The following FAH variants were observed in gnomAD, a reference collection of about 807,000 sequenced individuals.
FAH encodes the protein fumarylacetoacetase.
A neutral mutation model predicts 55.8 loss-of-function variants in FAH; 47 were observed. The observed-to-expected ratio is 0.84, with a 90% CI of 0.67 to 1.07. The LOEUF (loss-of-function observed/expected upper bound fraction) is 1.07, where lower values mean the gene tolerates loss of function less well. Ranked by LOEUF, FAH falls within the 50% of genes least tolerant of loss-of-function variation. The pLI is 0.00. For synonymous variants in FAH, 199 were observed against 207.7 expected (o/e 0.96, Z 0.36); for missense variants, 495 against 545.9 (o/e 0.91, Z 0.93).
At chr15:80,153,790 G>A (rs2041075671) in intron 1 of FAH, among the ~76,000 whole-genome samples, 1 of 152,090 alleles carries the variant, frequency 6.6e-6, no homozygotes, top group Non-Finnish European at 1.5e-5. Flanking sequence ...GAAAACTGGG[G>A]GTTTATCAGC....
At position 80,186,208 on chromosome 15, in the gene FAH, G is replaced by A. The variant is rs61747586; in HGVS notation, c.1259G>A (p.Ter420=). The A allele has an allele frequency of 2.7e-3, 4,281 of 1,613,538 alleles. 9 individuals are homozygous for A. The highest frequency in any genetic ancestry group is 2.9e-3 in the Non-Finnish European group (3,473 of 1,179,442). The change falls in exon 14 of 14, where the codon TGA becomes TAA. Residue 420 remains the stop codon, a stop_retained_variant. Transcript: ENST00000561421. ...GKVLPALLPS[*] ...GTGCTGCCTGCTCTCCTGCCATCAT[G>A]AGATTTTCTCTGCTCTTCTGGAAAC... is the stretch of plus-strand genomic sequence containing the variant.
chr15:80,186,367 T>C (rs58315965), downstream of FAH: 73 of 704,436 alleles, frequency 1.0e-4, no homozygotes, highest in African/African-American at 1.1e-3. Context: ...CTGTGTCCAC[T>C]TATGATCGTG....
chr15:80,160,607 C>T lies in FAH; in HGVS notation c.364+148C>T, dbSNP rs552294612. On this transcript the variant is annotated intron_variant, in intron 4 of 13. Coordinates refer to ENST00000561421, the MANE Select transcript of FAH (RefSeq NM_000137.4). ...GGCTCTGGGGCTGTTACCCGCTCCT[C>T]ATCACTGACCTTTCCCAGCATCCAG... The T allele has an allele frequency of 4.8e-3, 3,563 of 750,058 alleles. 15 individuals carry two copies. Among genetic ancestry groups the T allele is most frequent in the Non-Finnish European group, 6.6e-3 (2,778 of 423,052 alleles). The allele number at this position is 750,058 out of a possible 1,614,324, so 46.5% of individuals were successfully genotyped here.
At chr15:80,167,799 T>C (rs2041205071) in intron 5 of FAH, among the ~76,000 whole-genome samples, 1 of 152,192 alleles carries the variant, frequency 6.6e-6, no homozygotes, top group Non-Finnish European at 1.5e-5. Flanking sequence ...CCCAAAGTGC[T>C]GGGATTACAG....
chr15:80,160,556 C>T (rs771055928), intron 4 of FAH, 97 bp downstream of exon 4: 1 of 1,185,560 alleles, frequency 8.4e-7, no homozygotes, highest in Non-Finnish European at 1.3e-6. Context: ...TGGAGGGTCC[C>T]TGCTGGTGGG....
rs1191357911 is a variant in FAH, at chr15:80,173,157, T to A, written c.837+13T>A. 1 of 1,614,184 alleles carries A rather than the reference T, an allele frequency of 6.2e-7. No homozygotes were observed. The highest frequency in any genetic ancestry group is 1.1e-5 in the South Asian group (1 of 91,084). On this transcript the variant is annotated intron_variant, in intron 9 of 13. Coordinates refer to ENST00000561421, the MANE Select transcript of FAH (RefSeq NM_000137.4). Reference sequence around the variant, plus strand: ...CAACCCGAAGCAGGTAAGCACATTCTCTGCAGGAAGCTCCCAAACCCAGCC... The same window carrying A: ...CAACCCGAAGCAGGTAAGCACATTCACTGCAGGAAGCTCCCAAACCCAGCC...
intron 2 of FAH, 88 bp downstream of exon 2, chr15:80,158,258 G>C (rs562133543): frequency 4.2e-6 from 4 of 962,094 alleles, no homozygotes; most frequent in Non-Finnish European, 5.1e-6. Flanking sequence ...TTCCATTTCC[G>C]ATAGAGGTAA....
intron 9 of FAH, 41 bp from the exon 10 acceptor site, chr15:80,174,975 C>T (rs748585029): frequency 6.3e-7 from 1 of 1,587,454 alleles, no homozygotes; most frequent in African/African-American, 1.3e-5. Context: ...TGAGCTCAGC[C>T]CACCTGCCAG....
chr15:80,178,671 C>T (rs1250360031), intron 11 of FAH, among the ~76,000 whole-genome samples: 1 of 151,806 alleles, frequency 6.6e-6, no homozygotes, highest in Admixed American at 6.6e-5. Flanking sequence ...GCAAACTCCG[C>T]CTCCTGGGTT....
intron 7 of FAH, among the ~76,000 whole-genome samples, chr15:80,170,548 T>C (rs1889771233): frequency 6.6e-6 from 1 of 152,218 alleles, no homozygotes; most frequent in Non-Finnish European, 1.5e-5. Context: ...AAGGGTACTA[T>C]GTGAGACTGC....
In FAH at chr15:80,166,588, T is replaced by C. The variant is rs1235972568; in HGVS notation, c.456-1464T>C. Among the ~76,000 whole-genome samples the C allele has an allele frequency of 5.3e-5, 8 of 152,220 alleles. No individual in the cohort carries two copies. In the East Asian group the frequency reaches 1.5e-3, roughly 29 times the overall value. On this transcript the variant is annotated intron_variant, in intron 5 of 13. Transcript: ENST00000561421. ...AAATATTTTCTCCCAGTATGTTATC[T>C]TTTTTCTTTGTTTGCCAGTCTTTCT...
At chr15:80,159,364 C>T (rs1464177152) in intron 2 of FAH, among the ~76,000 whole-genome samples, 1 of 152,022 alleles carries the variant, frequency 6.6e-6, no homozygotes, top group Non-Finnish European at 1.5e-5. Context: ...TGAGCCATCA[C>T]ACCTGGCCCA....
At chr15:80,160,524 G>T (rs906681421) in intron 4 of FAH, 65 bp downstream of exon 4, 1 of 1,522,278 alleles carries the variant, frequency 6.6e-7, no homozygotes, top group Non-Finnish European at 9.1e-7. Context: ...GGCTGGCCAG[G>T]TGCTTTGGTT....
chr15:80,167,646 C>T (rs768534109), intron 5 of FAH, among the ~76,000 whole-genome samples: 6 of 151,612 alleles, frequency 4.0e-5, no homozygotes, highest in Non-Finnish European at 7.4e-5. Context: ...ATTCTTCTGC[C>T]TCAGCCTCCC....
intron 13 of FAH, among the ~76,000 whole-genome samples, chr15:80,185,778 C>T (rs1226355738): frequency 6.6e-6 from 1 of 152,154 alleles, no homozygotes; most frequent in African/African-American, 2.4e-5. Context: ...AATTATCTCC[C>T]ACTGTGTACC....
chr15:80,162,614 T>C, intron 5 of FAH: 1 of 498,076 alleles, frequency 2.0e-6, no homozygotes. Flanking sequence ...TTCTGGAGTC[T>C]TTCATTTATA....
intron 13 of FAH, among the ~76,000 whole-genome samples, chr15:80,183,217 G>A (rs1390294235): frequency 6.6e-6 from 1 of 152,208 alleles, no homozygotes. Flanking sequence ...AGTGAAGAGG[G>A]AAATGGGAAC....
intron 1 of FAH, 117 bp downstream of exon 1, chr15:80,153,252 A>G (rs1595888637): frequency 5.9e-6 from 5 of 842,756 alleles, no homozygotes; most frequent in South Asian, 1.4e-5. Context: ...GGCTTGTGCC[A>G]TTTTTCTCTT....
At chr15:80,162,192 T>G in intron 4 of FAH, 54 bp from the exon 5 acceptor site, 1 of 1,390,496 alleles carries the variant, frequency 7.2e-7, no homozygotes, top group Non-Finnish European at 1.0e-6. Flanking sequence ...AACAGTCCAT[T>G]CTTCCTGAGG....
Sources: gnomAD v4.1 joint callset for allele counts (sites outside exome capture counted in the v4.1 genomes callset) on GRCh38, gnomAD v4.1.1 for gene constraint, MANE v1.5 for transcripts, NCBI Gene and HGNC (gene_info 2026-07-23, HGNC 2026-07-21) for gene names.